Variants in UNC79 observed in about 807,000 individuals in gnomAD.
The protein encoded by UNC79 is protein unc-79 homolog.
Under a neutral mutation model 283.1 loss-of-function variants are expected in UNC79, and 37 were observed. The ratio of observed to expected loss-of-function variants is 0.13; its 90% CI spans 0.10 to 0.17. The LOEUF is 0.17. UNC79 is among the 10% of genes least tolerant of loss of function. The probability of loss-of-function intolerance (pLI) is 1.00; values close to 1 mark genes in which losing one functional copy is unlikely to be tolerated. For synonymous variants in UNC79, 1,107 were observed against 1,200.2 expected, an observed-to-expected ratio of 0.92 and a Z score of 1.61; for missense variants, 2,272 against 3,211.1, an observed-to-expected ratio of 0.71 and a Z score of 7.07.
chr14:93,581,597 G>A (rs530039284), intron 19 of UNC79, among the ~76,000 whole-genome samples: 159 of 147,376 alleles, frequency 1.1e-3, no homozygotes, highest in African/African-American at 3.9e-3. Flanking sequence ...AGGTTCAAGC[G>A]ATTCTCCTGC....
intron 7 of UNC79, among the ~76,000 whole-genome samples, chr14:93,498,288 A>T (rs1403585347): frequency 6.6e-6 from 1 of 150,956 alleles, no homozygotes; most frequent in East Asian, 1.9e-4. Context: ...TAATAATAAT[A>T]AATAAAAAAT....
At chr14:93,613,077 T>A (rs2139767049) in exon 27 of UNC79, 1 of 1,614,160 alleles carries the variant, frequency 6.2e-7, no homozygotes, top group Non-Finnish European at 8.5e-7. Flanking sequence ...TTGCAGGAAT[T>A]GCCCAAGTAA....
At chr14:93,630,967 GC>G in intron 31 of UNC79, 59 bp downstream of exon 33, 1 of 1,466,842 alleles carries the variant, frequency 6.8e-7, no homozygotes, top group African/African-American at 1.4e-5. Flanking sequence ...ACTGTCTGCT[GC>G]CTTGTTTTCA....
chr14:93,599,526 A>G (rs971479736), intron 24 of UNC79, among the ~76,000 whole-genome samples: 7 of 152,138 alleles, frequency 4.6e-5, no homozygotes, highest in Non-Finnish European at 1.0e-4. Context: ...TAAAATCTCC[A>G]GTTGACTTCT....
At chr14:93,599,275 G>A (rs559456939) in intron 24 of UNC79, among the ~76,000 whole-genome samples, 1 of 152,216 alleles carries the variant, frequency 6.6e-6, no homozygotes, top group East Asian at 1.9e-4. Context: ...GAAAGGTTAA[G>A]CCACCTTTTC....
At chr14:93,429,526 G>A (rs1466573424), upstream of UNC79, among the ~76,000 whole-genome samples, 1 of 152,096 alleles carries the variant, frequency 6.6e-6, no homozygotes, top group Non-Finnish European at 1.5e-5. Flanking sequence ...CTACTCAGAA[G>A]CATCTTTCCT....
intron 4 of UNC79, among the ~76,000 whole-genome samples, chr14:93,487,084 G>A (rs371281677): frequency 3.3e-5 from 5 of 152,110 alleles, no homozygotes; most frequent in South Asian, 2.1e-4. Flanking sequence ...GAAGTTACAC[G>A]TGAAGGTTTG....
rs998070137 is a variant in UNC79 at position 93,557,428 on chromosome 14, G to A, written c.1756-14466G>A. 1.8e-4 allele frequency among the ~76,000 whole-genome samples: 27 copies of A among 152,202 alleles called. No individual in the cohort carries two copies. The Middle Eastern group carries it at 0.014, about 77-fold the overall frequency. On this transcript the variant is annotated intron_variant, in intron 14 of 48. Transcript: ENST00000555664. Reference sequence around the variant, plus strand: ...CTGAACTTAAAATGGGGTTACTCTGGCTCTCCTAGGCTCCTGCTTCCCTAA... The same window carrying A: ...CTGAACTTAAAATGGGGTTACTCTGACTCTCCTAGGCTCCTGCTTCCCTAA...
intron 12 of UNC79, 38 bp from the exon 13 acceptor site, chr14:93,540,622 T>C (rs368299165): frequency 4.4e-6 from 7 of 1,597,478 alleles, no homozygotes; most frequent in Non-Finnish European, 5.1e-6. Flanking sequence ...AATGTGTTTT[T>C]TCACAGTCTA....
intron 5 of UNC79, among the ~76,000 whole-genome samples, chr14:93,494,628 G>A (rs1296206125): frequency 6.6e-6 from 1 of 152,162 alleles, no homozygotes; most frequent in Non-Finnish European, 1.5e-5. Context: ...ATAGATGGCT[G>A]CTGAAGTTGT....
At chr14:93,515,438 TTCTTG>T (rs957212588) in intron 7 of UNC79, among the ~76,000 whole-genome samples, 1 of 152,176 alleles carries the variant, frequency 6.6e-6, no homozygotes, top group African/African-American at 2.4e-5. Context: ...TTGTTTTGTT[TTCTTG>T]TCTTCTTGTT....
At chr14:93,602,886 C>T (rs1339858279) in intron 25 of UNC79, among the ~76,000 whole-genome samples, 1 of 152,126 alleles carries the variant, frequency 6.6e-6, no homozygotes, top group Non-Finnish European at 1.5e-5. Flanking sequence ...AGGGATCCTC[C>T]CACCATGGCC....
chr14:93,653,301 G>C (rs1031329649), intron 35 of UNC79, among the ~76,000 whole-genome samples: 8 of 147,682 alleles, frequency 5.4e-5, no homozygotes, highest in African/African-American at 2.0e-4. Context: ...CTCCTAATGA[G>C]AATGAACATC....
At chr14:93,534,386 G>A (rs2060970336) in intron 11 of UNC79, among the ~76,000 whole-genome samples, 2 of 152,124 alleles carry the variant, frequency 1.3e-5, no homozygotes, top group Non-Finnish European at 2.9e-5. Context: ...ATTTAGAACT[G>A]CGTCTCTTTA....
intron 22 of UNC79, among the ~76,000 whole-genome samples, chr14:93,587,825 G>A (rs866380235): frequency 1.3e-5 from 2 of 152,214 alleles, no homozygotes; most frequent in South Asian, 2.1e-4. Context: ...AAGGGAATGT[G>A]ATAAATGACT....
At chr14:93,374,040 G>A (rs7161491) in intron 1 of UNC79, among the ~76,000 whole-genome samples, 107,331 of 151,936 alleles carry the variant, frequency 0.71, 38,403 homozygotes, top group Middle Eastern at 0.78. Flanking sequence ...GTCACTGAAA[G>A]CCTGGGGCCC....
intron 1 of UNC79, among the ~76,000 whole-genome samples, chr14:93,438,659 C>T (rs569629532): frequency 1.6e-4 from 23 of 148,322 alleles, no homozygotes; most frequent in Admixed American, 7.9e-4. Flanking sequence ...CTTTCTTTTA[C>T]GTTCTTTTTT....
intron 1 of UNC79, among the ~76,000 whole-genome samples, chr14:93,373,387 C>A (rs2054492931): frequency 6.6e-6 from 1 of 151,768 alleles, no homozygotes; most frequent in Non-Finnish European, 1.5e-5. Context: ...AGTAGATAAA[C>A]CTCTAGCCAG....
chr14:93,418,036 G>A (rs1171054965), intron 1 of UNC79, among the ~76,000 whole-genome samples: 9 of 151,968 alleles, frequency 5.9e-5, no homozygotes, highest in East Asian at 1.9e-4. Context: ...GTCATTCTCT[G>A]TCCAGCTTTG....
Sources: allele counts gnomAD v4.1 joint callset (sites outside exome capture counted in the v4.1 genomes callset), GRCh38; gene constraint gnomAD v4.1.1; transcripts MANE v1.5; gene names NCBI Gene and HGNC (gene_info 2026-07-23, HGNC 2026-07-21).